Variants in NXNL2 observed in about 807,000 individuals in gnomAD.
NXNL2 encodes the protein nucleoredoxin-like protein 2.
A neutral mutation model predicts 11.1 loss-of-function variants in NXNL2; 7 were observed. The observed-to-expected ratio is 0.63, with a 90% CI of 0.36 to 1.18. The LOEUF (loss-of-function observed/expected upper bound fraction) is 1.18, where lower values mean the gene tolerates loss of function less well. Ranked by LOEUF, NXNL2 falls within the 50% of genes most tolerant of loss-of-function variation. The pLI is 0.02. For missense variants in NXNL2, 233 were observed against 217.7 expected (o/e 1.07, Z -0.44); for synonymous variants, 109 against 101.8 (o/e 1.07, Z -0.42).
intron 2 of NXNL2, among the ~76,000 whole-genome samples, chr9:88,571,727 T>C (rs1214485115): frequency 1.3e-5 from 2 of 152,106 alleles, no homozygotes; most frequent in African/African-American, 2.4e-5. Context: ...CACCAAGAGC[T>C]TTGCTCCGTC....
chr9:88,583,771 C>T (rs1353132128), intron 1 of NXNL2, among the ~76,000 whole-genome samples: 1 of 152,120 alleles, frequency 6.6e-6, no homozygotes, highest in Non-Finnish European at 1.5e-5. Flanking sequence ...CAGGGTAGCC[C>T]TAATCTGATA....
intron 1 of NXNL2, among the ~76,000 whole-genome samples, chr9:88,540,790 T>C (rs933994549): frequency 7.0e-6 from 1 of 143,788 alleles, no homozygotes; most frequent in Non-Finnish European, 1.5e-5. Context: ...CTGGCAGGGG[T>C]CATGCAGCCC....
At chr9:88,553,143 T>C (rs1194477143) in intron 1 of NXNL2, among the ~76,000 whole-genome samples, 1 of 152,078 alleles carries the variant, frequency 6.6e-6, no homozygotes, top group Non-Finnish European at 1.5e-5. Context: ...ATTTGAAAAA[T>C]AATTGAGGAG....
chr9:88,535,683 G>T lies in NXNL2; in HGVS notation c.249G>T (p.Met83Ile). The change falls in exon 1 of 2, where the codon ATG (methionine) becomes ATT (isoleucine). Residue 83 changes from methionine (M) to isoleucine (I), a missense_variant. Transcript: ENST00000375854. ...GCTCCCAGGAGATGCTGGACTTCAT[G>T]CGCGAGCTGCATGGCGCCTGGCTGG... ...DGSSQEMLDF[M>I]RELHGAWLAL... The T allele has an allele frequency of 6.9e-6, 11 of 1,603,352 alleles. No homozygotes were observed. Among genetic ancestry groups the T allele is most frequent in the Non-Finnish European group, 9.3e-6 (11 of 1,177,412 alleles).
At chr9:88,560,775 G>C (rs917806796) in intron 1 of NXNL2, among the ~76,000 whole-genome samples, 2 of 152,148 alleles carry the variant, frequency 1.3e-5, no homozygotes, top group African/African-American at 2.4e-5. Flanking sequence ...GGAAGCTGCA[G>C]ACAACAAGCC....
chr9:88,552,178 T>G (rs1488193683), intron 1 of NXNL2, among the ~76,000 whole-genome samples: 1 of 152,204 alleles, frequency 6.6e-6, no homozygotes, highest in Non-Finnish European at 1.5e-5. Flanking sequence ...CTTGTGTGTC[T>G]GTGGAGTCAG....
intron 1 of NXNL2, among the ~76,000 whole-genome samples, chr9:88,570,067 G>A (rs1406317809): frequency 1.3e-5 from 2 of 150,678 alleles, no homozygotes; most frequent in African/African-American, 4.9e-5. Flanking sequence ...TTCATAGGGT[G>A]TCACTCTTGG....
chr9:88,583,739 G>A lies in NXNL2; in HGVS notation n.552-260G>A, dbSNP rs555573934. Among the ~76,000 whole-genome samples the A allele has an allele frequency of 1.5e-3, 232 of 152,320 alleles. 6 individuals are homozygous for A. The South Asian group carries it at 0.048, about 31-fold the overall frequency. On this transcript the variant is annotated intron_variant and non_coding_transcript_variant, in intron 1 of 1. Coordinates refer to the NXNL2 transcript ENST00000478686. ...TGTCTGGAGACAAGGTCTGTAGAAT[G>A]CAATTAGGGTTAAATGTGTCACAGG...
At chr9:88,551,688 G>A (rs1011891985) in intron 1 of NXNL2, among the ~76,000 whole-genome samples, 7 of 152,142 alleles carry the variant, frequency 4.6e-5, no homozygotes, top group Admixed American at 3.3e-4. Flanking sequence ...TATTTTGGGA[G>A]GGACTTAGCA....
intron 2 of NXNL2, among the ~76,000 whole-genome samples, chr9:88,571,905 A>T (rs1830272054): frequency 6.6e-6 from 1 of 151,938 alleles, no homozygotes; most frequent in Non-Finnish European, 1.5e-5. Context: ...TCAGAGAAAC[A>T]TTTTCACCAT....
chr9:88,547,858 A>T (rs573729570), downstream of NXNL2, among the ~76,000 whole-genome samples: 3 of 151,270 alleles, frequency 2.0e-5, no homozygotes, highest in South Asian at 6.3e-4. Context: ...CTCTACTAAA[A>T]ATACAGAAAT....
chr9:88,581,969 T>A (rs1587859643), intron 1 of NXNL2, among the ~76,000 whole-genome samples: 1 of 151,406 alleles, frequency 6.6e-6, no homozygotes, highest in African/African-American at 2.4e-5. Context: ...TGGAGAGGAG[T>A]GGTTTTGGCA....
intron 1 of NXNL2, among the ~76,000 whole-genome samples, chr9:88,538,644 G>T (rs58647242): frequency 0.12 from 18,166 of 152,198 alleles, 2,600 homozygotes; most frequent in East Asian, 0.75. Context: ...ACGCCTCATT[G>T]ATTCTGATTT....
At chr9:88,552,473 GT>G (rs59133640) in intron 1 of NXNL2, among the ~76,000 whole-genome samples, 405 of 131,532 alleles carry the variant, frequency 3.1e-3, no homozygotes, top group South Asian at 8.4e-3. Flanking sequence ...AAACATGCAT[GT>G]TTTTTTTTTT....
At chr9:88,574,433 C>G (rs2118542237) in intron 2 of NXNL2, among the ~76,000 whole-genome samples, 2 of 152,232 alleles carry the variant, frequency 1.3e-5, no homozygotes, top group Middle Eastern at 6.8e-3. Flanking sequence ...AGACATCAAT[C>G]AATATATGTA....
intron 1 of NXNL2, among the ~76,000 whole-genome samples, chr9:88,559,026 T>A (rs925691065): frequency 6.6e-6 from 1 of 152,078 alleles, no homozygotes; most frequent in African/African-American, 2.4e-5. Flanking sequence ...CAAATAGATG[T>A]CTCTGCATGC....
At chr9:88,575,714 A>G (rs1337335953) in exon 3 of NXNL2, 1 of 152,270 alleles carries the variant, frequency 6.6e-6, no homozygotes, top group Non-Finnish European at 1.5e-5. Flanking sequence ...ACTACTGTCA[A>G]TAATCATTTA....
At chr9:88,556,611 A>G (rs1830014685) in intron 1 of NXNL2, among the ~76,000 whole-genome samples, 1 of 152,130 alleles carries the variant, frequency 6.6e-6, no homozygotes. Context: ...CACTCAGGTC[A>G]TGGACTCTAC....
chr9:88,563,338 A>G (rs907286423), intron 1 of NXNL2, among the ~76,000 whole-genome samples: 2 of 152,132 alleles, frequency 1.3e-5, no homozygotes, highest in African/African-American at 2.4e-5. Context: ...TCTGTTGCTG[A>G]TTACTTTATA....
Sources: allele counts gnomAD v4.1 joint callset (sites outside exome capture counted in the v4.1 genomes callset), GRCh38; gene constraint gnomAD v4.1.1; transcripts MANE v1.5; gene names NCBI Gene and HGNC (gene_info 2026-07-23, HGNC 2026-07-21).